ABCC1: variants seen among roughly 807,000 people sequenced by gnomAD.
ABCC1 encodes multidrug resistance-associated protein 1.
In ABCC1, 83 loss-of-function variants were observed where a neutral mutation model predicts 172.9. The ratio of observed to expected loss-of-function variants is 0.48; its 90% CI spans 0.40 to 0.58. The LOEUF is 0.58. Ranked by LOEUF, ABCC1 falls within the 20% of genes least tolerant of loss-of-function variation. ABCC1 has a pLI of 0.00. For synonymous variants in ABCC1, 937 were observed against 825.2 expected, an observed-to-expected ratio of 1.14 and a Z score of -2.32; for missense variants, 1,817 against 2,002.7, an observed-to-expected ratio of 0.91 and a Z score of 1.77.
At chr16:16,014,656 C>A in intron 4 of ABCC1, 28 bp downstream of exon 4, 1 of 1,611,454 alleles carries the variant, frequency 6.2e-7, no homozygotes, top group Non-Finnish European at 8.5e-7. Context: ...TCCTCATCTT[C>A]CTTCAGTGGA....
At position 16,131,763 on chromosome 16, in the gene ABCC1, ACT is replaced by A. The variant is rs760019994; in HGVS notation, c.3820-20_3820-19del. 4 of 1,608,550 alleles carry A rather than the reference ACT, an allele frequency of 2.5e-6. No homozygotes were observed. In the South Asian group the frequency reaches 4.4e-5, roughly 18 times the overall value. ...TTACCAGATGGACTGGAAATTCCTT[ACT>A]CTCTCCCTTCACTGCGATCGAAGGC... On this transcript the variant is annotated intron_variant, in intron 26 of 30. Transcript: ENST00000399410.
chr16:16,083,606 A>C, intron 17 of ABCC1, 64 bp downstream of exon 17: 1 of 1,570,050 alleles, frequency 6.4e-7, no homozygotes, highest in Non-Finnish European at 8.7e-7. Context: ...AAATGCTCTC[A>C]CAATCTCAGT....
chr16:16,014,584 G>T lies in ABCC1; in HGVS notation c.445G>T (p.Ala149Ser). 2 of 1,614,084 alleles carry T rather than the reference G, an allele frequency of 1.2e-6. No homozygotes were observed. The highest frequency in any genetic ancestry group is 4.5e-5 in the East Asian group (2 of 44,884). The part of the protein sequence containing the change: ...LTFWLVALVC[A>S]LAILRSKIMT... Reference sequence around the variant, plus strand: ...TTTCTGGCTGGTAGCCCTAGTGTGTGCCCTAGCCATCCTGAGATCCAAAAT... The same window carrying T: ...TTTCTGGCTGGTAGCCCTAGTGTGTTCCCTAGCCATCCTGAGATCCAAAAT... The change falls in exon 4 of 31, where the codon GCC becomes TCC. Residue 149 changes from alanine (A) to serine (S), a missense_variant. Physicochemically the swap from Ala to Ser is moderately conservative, Grantham distance 99 (BLOSUM62 1). Coordinates refer to ENST00000399410, the MANE Select transcript of ABCC1 (RefSeq NM_004996.4).
intron 17 of ABCC1, among the ~76,000 whole-genome samples, chr16:16,084,213 C>T (rs2050919601): frequency 6.6e-6 from 1 of 152,138 alleles, no homozygotes; most frequent in South Asian, 2.1e-4. Flanking sequence ...GGTGATTCTC[C>T]TGCCTCAGCT....
chr16:16,086,255 C>G (rs991178902), intron 17 of ABCC1, among the ~76,000 whole-genome samples: 1 of 152,344 alleles, frequency 6.6e-6, no homozygotes, highest in Non-Finnish European at 1.5e-5. Context: ...CAGGTTTTCT[C>G]TTTTGCCCAG....
chr16:16,028,536 G>T (rs1411997704), intron 5 of ABCC1, among the ~76,000 whole-genome samples: 2 of 152,186 alleles, frequency 1.3e-5, no homozygotes, highest in East Asian at 1.9e-4. Flanking sequence ...AAATGGATTT[G>T]CAATTCCCTG....
chr16:16,101,354 GC>G (rs569485407), intron 19 of ABCC1, among the ~76,000 whole-genome samples: 1 of 152,062 alleles, frequency 6.6e-6, no homozygotes, highest in Non-Finnish European at 1.5e-5. Flanking sequence ...CATTTATAAA[GC>G]CCCCCGTGAC....
chr16:15,998,315 C>CA (rs888420647), intron 1 of ABCC1, among the ~76,000 whole-genome samples: 31 of 151,844 alleles, frequency 2.0e-4, no homozygotes, highest in African/African-American at 7.5e-4. Flanking sequence ...TTGGTGAAGA[C>CA]AGGGTCTTAC....
intron 3 of ABCC1, among the ~76,000 whole-genome samples, chr16:16,011,193 A>G (rs973338955): frequency 6.6e-5 from 10 of 152,110 alleles, no homozygotes; most frequent in Non-Finnish European, 1.5e-4. Context: ...AGATCGCACC[A>G]CTGTGCTCCA....
At chr16:16,057,025 A>G (rs928572390) in intron 12 of ABCC1, among the ~76,000 whole-genome samples, 1 of 152,020 alleles carries the variant, frequency 6.6e-6, no homozygotes, top group Non-Finnish European at 1.5e-5. Flanking sequence ...GTCAAGTGGC[A>G]TGGTCTAAAC....
chr16:16,047,445 C>G (rs1418513134), intron 9 of ABCC1, among the ~76,000 whole-genome samples: 1 of 152,128 alleles, frequency 6.6e-6, no homozygotes, highest in Non-Finnish European at 1.5e-5. Flanking sequence ...GCATGCATCA[C>G]CACGCCTGCT....
chr16:16,104,985 C>A (rs765584947), intron 20 of ABCC1, among the ~76,000 whole-genome samples: 110 of 152,214 alleles, frequency 7.2e-4, no homozygotes, highest in Non-Finnish European at 1.3e-3. Context: ...CCCTGTGCAG[C>A]TCCGGTTCCC....
At chr16:16,014,779 C>A in intron 4 of ABCC1, 151 bp downstream of exon 4, 1 of 889,846 alleles carries the variant, frequency 1.1e-6, no homozygotes, top group Non-Finnish European at 1.7e-6. Flanking sequence ...GACTTTCCTA[C>A]CCCACCAAAT....
intron 16 of ABCC1, among the ~76,000 whole-genome samples, chr16:16,081,071 T>G (rs1325921966): frequency 1.3e-5 from 2 of 152,184 alleles, no homozygotes; most frequent in African/African-American, 4.8e-5. Flanking sequence ...TTTTACCATG[T>G]TGACCTGGGT....
chr16:16,031,339 C>T (rs967939740), intron 5 of ABCC1, among the ~76,000 whole-genome samples: 1 of 152,138 alleles, frequency 6.6e-6, no homozygotes, highest in Non-Finnish European at 1.5e-5. Flanking sequence ...GCTTGTGTTT[C>T]AGAATTTAGA....
At chr16:16,111,752 G>T (rs1350224239) in intron 22 of ABCC1, among the ~76,000 whole-genome samples, 170 bp downstream of exon 22, 3 of 152,184 alleles carry the variant, frequency 2.0e-5, no homozygotes, top group Non-Finnish European at 4.4e-5. Context: ...TGTAGAGTGG[G>T]TGTTTGAGTG....
intron 14 of ABCC1, among the ~76,000 whole-genome samples, chr16:16,072,972 G>A (rs1241339609): frequency 1.3e-5 from 2 of 151,408 alleles, no homozygotes; most frequent in African/African-American, 2.4e-5. Context: ...AACCCAGGAG[G>A]CGGAGGTTGC....
intron 18 of ABCC1, among the ~76,000 whole-genome samples, chr16:16,089,025 G>T (rs368353995): frequency 6.6e-6 from 1 of 152,070 alleles, no homozygotes; most frequent in East Asian, 1.9e-4. Flanking sequence ...TTAAAGCATC[G>T]TCTACAGCTG....
In ABCC1 at chr16:16,036,550, A is replaced by C; in HGVS notation, c.756A>C (p.Gln252His). 6.2e-7 allele frequency: 1 copy of C among 1,614,148 alleles called. No individual in the cohort carries two copies. Among genetic ancestry groups the C allele is most frequent in the South Asian group, 1.1e-5 (1 of 91,062 alleles). ...TAAACAAGGAGGACACGTCGGAACAAGTCGTGCCTGTTTTGGTAAAGAACT... is the reference window on the plus strand; with the variant it reads ...TAAACAAGGAGGACACGTCGGAACACGTCGTGCCTGTTTTGGTAAAGAACT... ...WSLNKEDTSE[Q>H]VVPVLVKNWK... The change falls in exon 7 of 31, where the codon CAA becomes CAC. Residue 252 changes from glutamine to histidine, a missense_variant. This residue lies in a region of ABCC1 where 398 missense variants were observed against 384.2 expected (regional missense o/e 1.04). Transcript: ENST00000399410.
Sources: gnomAD v4.1 joint callset for allele counts (sites outside exome capture counted in the v4.1 genomes callset) on GRCh38, gnomAD v4.1.1 for gene constraint, gnomAD v4.1.1 regional missense constraint, MANE v1.5 for transcripts, NCBI Gene and HGNC (gene_info 2026-07-23, HGNC 2026-07-21) for gene names.